GREM2: variants seen among roughly 807,000 people sequenced by gnomAD.
GREM2 encodes gremlin-2.
A neutral mutation model predicts 14.2 loss-of-function variants in GREM2; 11 were observed. That is an observed-to-expected ratio of 0.78 (90% confidence interval 0.49 to 1.28). The LOEUF (loss-of-function observed/expected upper bound fraction) is 1.28. Among genes scored for constraint, GREM2 ranks in the 50% most tolerant of loss-of-function variants. GREM2 has a pLI of 0.00. For synonymous variants in GREM2, 98 were observed against 97.6 expected (o/e 1.00, Z -0.02); for missense variants, 210 against 218.5 (o/e 0.96, Z 0.24).
intron 1 of GREM2, among the ~76,000 whole-genome samples, chr1:240,550,570 A>C (rs776970623): frequency 9.2e-5 from 14 of 152,152 alleles, no homozygotes; most frequent in Non-Finnish European, 1.5e-4. Flanking sequence ...AGTAGTGGGG[A>C]AACTGAATAG....
chr1:240,504,206 A>G (rs1291946498), intron 1 of GREM2, among the ~76,000 whole-genome samples: 3 of 152,214 alleles, frequency 2.0e-5, no homozygotes, highest in Non-Finnish European at 4.4e-5. Context: ...AAAACTGTTC[A>G]GTACTAATAA....
At chr1:240,602,316 G>A (rs547752073) in intron 1 of GREM2, among the ~76,000 whole-genome samples, 61 of 152,254 alleles carry the variant, frequency 4.0e-4, no homozygotes, top group African/African-American at 1.4e-3. Context: ...TCCATCCCAT[G>A]ATACTTCAGC....
intron 1 of GREM2, among the ~76,000 whole-genome samples, chr1:240,586,967 G>A (rs1343500902): frequency 1.3e-5 from 2 of 152,168 alleles, no homozygotes; most frequent in South Asian, 2.1e-4. Context: ...GCAATCAGGA[G>A]AGAATTCTTG....
At chr1:240,534,851 CAG>C (rs1310879909) in intron 1 of GREM2, among the ~76,000 whole-genome samples, 1 of 152,028 alleles carries the variant, frequency 6.6e-6, no homozygotes, top group Non-Finnish European at 1.5e-5. Context: ...GAAGAAGGGA[CAG>C]AAACATGTTG....
intron 1 of GREM2, among the ~76,000 whole-genome samples, chr1:240,582,724 G>C (rs1679514475): frequency 6.6e-6 from 1 of 151,680 alleles, no homozygotes; most frequent in African/African-American, 2.4e-5. Context: ...TTCAACCCAG[G>C]AGGCAGGGGT....
intron 1 of GREM2, among the ~76,000 whole-genome samples, chr1:240,561,693 T>TACACAC (rs541661990): frequency 0.16 from 23,964 of 145,564 alleles, 2,066 homozygotes; most frequent in South Asian, 0.27. Context: ...TAATCCTGCA[T>TACACAC]ACACACACAC....
intron 1 of GREM2, among the ~76,000 whole-genome samples, chr1:240,586,433 T>G (rs139425235): frequency 3.3e-5 from 5 of 152,334 alleles, no homozygotes; most frequent in African/African-American, 1.2e-4. Flanking sequence ...CTGAGTGACC[T>G]TAAAGGAATA....
intron 1 of GREM2, among the ~76,000 whole-genome samples, chr1:240,600,900 T>C (rs1679909794): frequency 6.6e-6 from 1 of 152,230 alleles, no homozygotes; most frequent in Non-Finnish European, 1.5e-5. Context: ...AAATAATTGT[T>C]GAATGAATCA....
chr1:240,507,641 A>G (rs1214580019), intron 1 of GREM2, among the ~76,000 whole-genome samples: 1 of 152,160 alleles, frequency 6.6e-6, no homozygotes, highest in Non-Finnish European at 1.5e-5. Flanking sequence ...CTAGAATACC[A>G]GCTTTTCAAG....
At chr1:240,525,018 T>C (rs1202808373) in intron 1 of GREM2, among the ~76,000 whole-genome samples, 2 of 138,146 alleles carry the variant, frequency 1.4e-5, no homozygotes, top group Non-Finnish European at 3.1e-5. Flanking sequence ...TGAGCCTTAG[T>C]TTTCTCTACT....
chr1:240,607,356 C>G (rs963048152), intron 1 of GREM2, among the ~76,000 whole-genome samples: 2 of 151,992 alleles, frequency 1.3e-5, no homozygotes, highest in African/African-American at 4.8e-5. Context: ...CTAGATAACT[C>G]TCTTCTAGGT....
At chr1:240,545,349 T>A (rs1025875674) in intron 1 of GREM2, among the ~76,000 whole-genome samples, 4 of 152,230 alleles carry the variant, frequency 2.6e-5, no homozygotes, top group Admixed American at 6.5e-5. Context: ...GCATGGAAGC[T>A]CCACGCCTCT....
intron 1 of GREM2, among the ~76,000 whole-genome samples, chr1:240,513,309 G>T (rs1356718914): frequency 3.3e-5 from 5 of 152,196 alleles, no homozygotes; most frequent in Admixed American, 6.5e-5. Flanking sequence ...GGGCGCAGTG[G>T]CTCACGCCTG....
rs113784323 is a variant in GREM2, at chr1:240,521,901, A to C, written c.-1-28425T>G. 3.6e-3 allele frequency among the ~76,000 whole-genome samples: 547 copies of C among 152,096 alleles called. 3 individuals are homozygous for C. Among genetic ancestry groups the C allele is most frequent in the African/African-American group, 0.013 (526 of 41,514 alleles). On this transcript the variant is annotated intron_variant, in intron 1 of 1. Transcript: ENST00000318160. The stretch of plus-strand genomic sequence containing the variant: ...CCGAGGTGGGCAGATTACTTGAGCC[A>C]TGGATTTTGAGACCAGCCTGAACAA...
At chr1:240,597,136 A>G (rs1377224333) in intron 1 of GREM2, among the ~76,000 whole-genome samples, 1 of 152,204 alleles carries the variant, frequency 6.6e-6, no homozygotes, top group Non-Finnish European at 1.5e-5. Context: ...CTTGGATTCC[A>G]AGAATCCATT....
intron 1 of GREM2, among the ~76,000 whole-genome samples, chr1:240,598,292 A>G (rs751755475): frequency 5.9e-5 from 9 of 152,214 alleles, no homozygotes; most frequent in Non-Finnish European, 1.2e-4. Flanking sequence ...AAAGACCCCA[A>G]TGGCCTCTCT....
At chr1:240,516,630 A>G (rs56265222) in intron 1 of GREM2, among the ~76,000 whole-genome samples, 60,987 of 151,894 alleles carry the variant, frequency 0.4, 12,585 homozygotes, top group East Asian at 0.72. Flanking sequence ...AAAGAATGTT[A>G]TTTGATTTGC....
intron 1 of GREM2, among the ~76,000 whole-genome samples, chr1:240,587,863 C>T (rs1679628645): frequency 6.6e-6 from 1 of 152,142 alleles, no homozygotes; most frequent in Non-Finnish European, 1.5e-5. Flanking sequence ...TTCTCTTTGG[C>T]CTGATTTGTA....
rs1486301591 is a variant in GREM2 at position 240,493,282 on chromosome 1, C to T, written c.194G>A (p.Arg65His). ...SSQEALVVTE[R>H]KYLKSDWCKT... ...GCACCAGTCACTCTTGAGGTACTTG[C>T]GCTCGGTGACCACCAGGGCCTCCTG... Residue 65 changes from arginine to histidine, a missense_variant, in exon 2 of 2, where the codon CGC (arginine) becomes CAC (histidine). Physicochemically the swap from Arg to His is conservative, Grantham distance 29. Coordinates refer to ENST00000318160, the MANE Select transcript of GREM2 (RefSeq NM_022469.4). 1 of 1,614,022 alleles carries T rather than the reference C, an allele frequency of 6.2e-7. No homozygotes were observed. Among genetic ancestry groups the T allele is most frequent in the Non-Finnish European group, 8.5e-7 (1 of 1,179,964 alleles).
Sources: allele counts gnomAD v4.1 joint callset (sites outside exome capture counted in the v4.1 genomes callset), GRCh38; gene constraint gnomAD v4.1.1; transcripts MANE v1.5; gene names NCBI Gene and HGNC (gene_info 2026-07-23, HGNC 2026-07-21).